The following FBXL19 variants were observed in gnomAD, a reference collection of about 807,000 sequenced individuals.
FBXL19 encodes F-box and leucine rich repeat protein 19, also known as F-box/LRR-repeat protein 19.
A neutral mutation model predicts 71.2 loss-of-function variants in FBXL19; 16 were observed. The observed-to-expected ratio is 0.22, with a 90% CI of 0.15 to 0.34. The LOEUF is 0.34. Among genes scored for constraint, FBXL19 ranks in the 10% least tolerant of loss-of-function variants. The pLI, the probability that FBXL19 is intolerant of heterozygous loss-of-function variation, is 1.00. For synonymous variants in FBXL19, 447 were observed against 409.4 expected, an observed-to-expected ratio of 1.09 and a Z score of -1.11; for missense variants, 658 against 968.2, an observed-to-expected ratio of 0.68 and a Z score of 4.25.
intron 9 of FBXL19, among the ~76,000 whole-genome samples, chr16:30,943,490 T>C (rs2055824903): frequency 6.8e-6 from 1 of 148,008 alleles, no homozygotes; most frequent in Non-Finnish European, 1.5e-5. Context: ...TTCTCCTGCC[T>C]CAGCCTCCCA....
intron 1 of FBXL19, chr16:30,924,769 G>T: frequency 1.3e-6 from 2 of 1,487,564 alleles, no homozygotes. Context: ...GGAATCTGGG[G>T]TAAGACTGAC....
At chr16:30,935,013 G>A (rs926766116) in intron 7 of FBXL19, among the ~76,000 whole-genome samples, 7 of 152,170 alleles carry the variant, frequency 4.6e-5, no homozygotes, top group South Asian at 2.1e-4. Flanking sequence ...GTGTGCCCCC[G>A]AGTAGAGAAC....
At position 30,948,128 on chromosome 16, in the gene FBXL19, T is replaced by C. The variant is rs1169310335; in HGVS notation, c.*898T>C. 1 of 224,072 alleles carries C rather than the reference T, an allele frequency of 4.5e-6. No individual in the cohort carries two copies. The highest frequency in any genetic ancestry group is 5.5e-5 in the Admixed American group (1 of 18,278). 13.9% of individuals were successfully genotyped at this position (224,072 alleles called of 1,614,324 possible). A position where few individuals can be genotyped will look rare whatever the true frequency, so the allele number is the denominator to read the frequency against. ...TGAGACCGGGCCGGTGGGCGCCCAT[T>C]TGGGACTGCGCCACCCCCAGGCTTG... On this transcript the variant is annotated 3_prime_UTR_variant, in exon 11 of 11. Transcript: ENST00000338343.
intron 6 of FBXL19, among the ~76,000 whole-genome samples, chr16:30,929,522 C>T (rs2055644702): frequency 6.6e-6 from 1 of 152,162 alleles, no homozygotes; most frequent in South Asian, 2.1e-4. Context: ...TTTGGAACTG[C>T]CTAAGCCATG....
chr16:30,928,723 C>A, intron 6 of FBXL19, 95 bp downstream of exon 6: 1 of 1,197,674 alleles, frequency 8.3e-7, no homozygotes, highest in Non-Finnish European at 1.1e-6. Flanking sequence ...TCACCTTGTT[C>A]TGCCCCAGCC....
rs1450489969 is a variant in FBXL19, at chr16:30,927,081, C to T, written c.178-227C>T. 2.0e-5 allele frequency among the ~76,000 whole-genome samples: 3 copies of T among 152,162 alleles called. No individual in the cohort carries two copies. The East Asian group carries it at 5.8e-4, about 29-fold the overall frequency. On this transcript the variant is annotated intron_variant, in intron 2 of 10. Coordinates refer to ENST00000338343, the MANE Select transcript of FBXL19 (RefSeq NM_001382779.1). ...TTATTTTGCTCTCCCAAGAGTCCTG[C>T]GAGGGAAAGATTCTTAGCCCCATTC...
rs752839993 is a variant in FBXL19 at position 30,927,812 on chromosome 16, G to T, written c.476G>T (p.Gly159Val). Residue 159 changes from glycine to valine, a missense_variant, in exon 5 of 11, where the codon GGA (glycine) becomes GTA (valine). By Grantham distance (109) the Gly-to-Val change is moderately radical. Around this residue, in one of 8 missense-constraint regions of FBXL19, gnomAD observed 447 missense variants for 515.4 expected, o/e 0.87. Coordinates refer to ENST00000338343, the MANE Select transcript of FBXL19 (RefSeq NM_001382779.1). ...NGEEGASLGS[G>V]WKLTEEPPLP... ...GAGGAGGGCGCCAGCTTGGGGAGCG[G>T]ATGGAAGCTGACAGAGGAGCCACCG... The T allele has an allele frequency of 3.2e-6, 5 of 1,550,596 alleles. No homozygotes were observed. In the Admixed American group the frequency reaches 9.8e-5, roughly 30 times the overall value.
rs2055884262 is a variant in FBXL19, at chr16:30,948,141, A to C, written c.*911A>C. 4.9e-6 allele frequency: 1 copy of C among 205,248 alleles called. No individual in the cohort carries two copies. The highest frequency in any genetic ancestry group is 1.0e-5 in the Non-Finnish European group (1 of 98,494). 12.7% of individuals were successfully genotyped at this position (205,248 alleles called of 1,614,324 possible). A position where few individuals can be genotyped will look rare whatever the true frequency, so the allele number is the denominator to read the frequency against. On this transcript the variant is annotated 3_prime_UTR_variant, in exon 11 of 11. Coordinates refer to ENST00000338343, the MANE Select transcript of FBXL19 (RefSeq NM_001382779.1). ...GTGGGCGCCCATTTGGGACTGCGCC[A>C]CCCCCAGGCTTGTTCTTGTTTTACT...
Position 30,925,424 on chromosome 16 carries a change from TC to T in FBXL19, c.-24-305del, listed in dbSNP as rs1175637695. On this transcript the variant is annotated intron_variant, in intron 1 of 10. Coordinates refer to ENST00000338343, the MANE Select transcript of FBXL19 (RefSeq NM_001382779.1). The surrounding 1 kb of genome is among the most constrained non-coding windows in gnomAD (Gnocchi z 5.0). ...GGAGTGCCTGGCCTTTCCAAGGAGC[TC>T]CGGTGTGGGGATGGCAGAGGAGAGG... is the stretch of plus-strand genomic sequence containing the variant. Among the ~76,000 whole-genome samples, 1 of 151,932 alleles carries T rather than the reference TC, an allele frequency of 6.6e-6. No homozygotes were observed. The highest frequency in any genetic ancestry group is 1.5e-5 in the Non-Finnish European group (1 of 67,934).
At chr16:30,936,583 G>C (rs9938050) in intron 7 of FBXL19, among the ~76,000 whole-genome samples, 1 of 146,342 alleles carries the variant, frequency 6.8e-6, no homozygotes. Context: ...CTGCCACCAC[G>C]CCTGGCTAAT....
At chr16:30,938,190 C>T (rs1417478362) in intron 7 of FBXL19, among the ~76,000 whole-genome samples, 2 of 151,948 alleles carry the variant, frequency 1.3e-5, no homozygotes, top group African/African-American at 2.4e-5. Flanking sequence ...GGACTGAAGC[C>T]TTGGTGTCTG....
At position 30,947,530 on chromosome 16, in the gene FBXL19, T is replaced by G; in HGVS notation, c.*300T>G. 2.8e-6 allele frequency: 1 copy of G among 354,440 alleles called. No homozygotes were observed. The highest frequency in any genetic ancestry group is 5.2e-6 in the Non-Finnish European group (1 of 191,948). 22.0% of individuals were successfully genotyped at this position (354,440 alleles called of 1,614,324 possible). ...GCCGAAGGGACGGTGGGAGGGGGGT[T>G]ATGGTGCAAGTGTTGGGGGGGAGAA... On this transcript the variant is annotated 3_prime_UTR_variant, in exon 11 of 11. Transcript: ENST00000338343.
upstream of FBXL19, among the ~76,000 whole-genome samples, chr16:30,923,445 T>A (rs958829950): frequency 6.7e-6 from 1 of 149,216 alleles, no homozygotes; most frequent in African/African-American, 2.5e-5. Flanking sequence ...CGTGCGTTCG[T>A]CCTGGAAAGT....
At position 30,927,462 on chromosome 16, in the gene FBXL19, T is replaced by C; in HGVS notation, c.321+11T>C. On this transcript the variant is annotated intron_variant, in intron 3 of 10. Transcript: ENST00000338343. Reference sequence around the variant, plus strand: ...CCCGGCTGCCTGAAGGTGATGGCCCTGGGACCCCGGCGTCTGGGGTGGGGC... The same window carrying C: ...CCCGGCTGCCTGAAGGTGATGGCCCCGGGACCCCGGCGTCTGGGGTGGGGC... 6.3e-7 allele frequency: 1 copy of C among 1,584,866 alleles called. No homozygotes were observed. Among genetic ancestry groups the C allele is most frequent in the Non-Finnish European group, 8.6e-7 (1 of 1,165,592 alleles).
chr16:30,941,761 G>T (rs2055804723), intron 7 of FBXL19, among the ~76,000 whole-genome samples: 1 of 152,218 alleles, frequency 6.6e-6, no homozygotes, highest in Admixed American at 6.5e-5. Flanking sequence ...TGGCATTTGT[G>T]TATGTGTTGG....
intron 7 of FBXL19, among the ~76,000 whole-genome samples, chr16:30,936,027 C>G (rs1383267987): frequency 1.3e-5 from 2 of 152,190 alleles, no homozygotes; most frequent in African/African-American, 4.8e-5. Flanking sequence ...ATGAACTGGG[C>G]CTACCGACTG....
At chr16:30,944,259 G>T (rs188707675) in intron 9 of FBXL19, among the ~76,000 whole-genome samples, 1 of 145,372 alleles carries the variant, frequency 6.9e-6, no homozygotes, top group Admixed American at 7.1e-5. Flanking sequence ...TGTTAAATGG[G>T]TAAACTTGTG....
intron 7 of FBXL19, among the ~76,000 whole-genome samples, chr16:30,931,988 G>A (rs1237298172): frequency 4.0e-5 from 6 of 150,326 alleles, no homozygotes; most frequent in South Asian, 4.2e-4. Flanking sequence ...CGATCCGCCC[G>A]CCTCAGCCTC....
chr16:30,928,542 G>C lies in FBXL19; in HGVS notation c.703G>C (p.Gly235Arg). ...ACLLRGSDPG[G>R]PGLLPPRVLN... ...CCTCCTCCGAGGATCGGACCCAGGC[G>C]GCCCGGGCCTGCTGCCCCCCAGGGT... The change falls in exon 6 of 11, where the codon GGC (glycine) becomes CGC (arginine). Residue 235 changes from glycine (G) to arginine (R), a missense_variant. By Grantham distance (125) the Gly-to-Arg change is moderately radical (BLOSUM62 -2). Transcript: ENST00000338343. 1 of 1,607,802 alleles carries C rather than the reference G, an allele frequency of 6.2e-7. No individual in the cohort carries two copies. The highest frequency in any genetic ancestry group is 8.5e-7 in the Non-Finnish European group (1 of 1,177,100).
Sources: gnomAD v4.1 joint callset for allele counts (sites outside exome capture counted in the v4.1 genomes callset) on GRCh38, gnomAD v4.1.1 for gene constraint, gnomAD v4.1.1 regional missense constraint, Gnocchi (gnomAD v3.1) non-coding constraint, MANE v1.5 for transcripts, NCBI Gene and HGNC (gene_info 2026-07-23, HGNC 2026-07-21) for gene names.